SCLT1: variants seen among roughly 807,000 people sequenced by gnomAD.
The protein encoded by SCLT1 is sodium channel-associated protein 1.
Under a neutral mutation model 112.8 loss-of-function variants are expected in SCLT1, and 78 were observed. The ratio of observed to expected loss-of-function variants is 0.69; its 90% CI spans 0.58 to 0.83. The LOEUF is 0.83. Among genes scored for constraint, SCLT1 ranks in the 40% least tolerant of loss-of-function variants. The pLI is 0.00. For missense variants in SCLT1, 747 were observed against 770.4 expected (o/e 0.97, Z 0.36); for synonymous variants, 257 against 254.7 (o/e 1.01, Z -0.09).
chr4:129,071,858 C>A, intron 2 of SCLT1, among the ~76,000 whole-genome samples: 1 of 151,990 alleles, frequency 6.6e-6, no homozygotes. Context: ...TGCCAGTGTA[C>A]TTTGGTTTTT....
chr4:129,087,737 T>G (rs1579979541), intron 1 of SCLT1, among the ~76,000 whole-genome samples: 2 of 114,756 alleles, frequency 1.7e-5, no homozygotes, highest in Admixed American at 1.1e-4. Context: ...TGGGTGACAG[T>G]GAGACCCTTG....
At chr4:128,917,791 T>C (rs1735583068) in intron 18 of SCLT1, among the ~76,000 whole-genome samples, 1 of 152,172 alleles carries the variant, frequency 6.6e-6, no homozygotes, top group Non-Finnish European at 1.5e-5. Flanking sequence ...TCCTCTTTCC[T>C]GGATGGCATT....
At chr4:129,003,251 A>C (rs543068582) in intron 6 of SCLT1, among the ~76,000 whole-genome samples, 1 of 152,010 alleles carries the variant, frequency 6.6e-6, no homozygotes. Flanking sequence ...ACATGGACAC[A>C]GGGAGGGGAA....
At chr4:129,062,378 T>G (rs1214970520) in intron 2 of SCLT1, among the ~76,000 whole-genome samples, 1 of 152,116 alleles carries the variant, frequency 6.6e-6, no homozygotes, top group Non-Finnish European at 1.5e-5. Flanking sequence ...TTGGCTATCT[T>G]GCAGATGTCA....
rs1306243013 is a variant in SCLT1, at chr4:129,028,984, C to G, written c.290+10057G>C. On this transcript the variant is annotated intron_variant, in intron 5 of 20. Coordinates refer to ENST00000281142, the MANE Select transcript of SCLT1 (RefSeq NM_144643.4). The stretch of plus-strand genomic sequence containing the variant: ...AATCAAAACCACAGTGAGATACCAT[C>G]TCACACCAGTTAGAATGGCAATCAT... Among the ~76,000 whole-genome samples, 3 of 152,210 alleles carry G rather than the reference C, an allele frequency of 2.0e-5. No individual in the cohort carries two copies. In the East Asian group the frequency reaches 5.8e-4, roughly 29 times the overall value.
chr4:128,897,628 C>A (rs1186000922), intron 18 of SCLT1, among the ~76,000 whole-genome samples: 3 of 152,094 alleles, frequency 2.0e-5, no homozygotes, highest in African/African-American at 2.4e-5. Context: ...CGAGCAAAAT[C>A]ACCAGCTAAC....
intron 18 of SCLT1, among the ~76,000 whole-genome samples, chr4:128,928,081 A>T (rs1208581462): frequency 6.6e-6 from 1 of 152,122 alleles, no homozygotes; most frequent in Non-Finnish European, 1.5e-5. Flanking sequence ...ATCACTGTTC[A>T]AGAAATTTTG....
intron 19 of SCLT1, among the ~76,000 whole-genome samples, chr4:128,889,532 A>G (rs531740389): frequency 6.6e-6 from 1 of 152,342 alleles, no homozygotes; most frequent in African/African-American, 2.4e-5. Flanking sequence ...TTGGACTTCT[A>G]GCCTCTGGAA....
At chr4:129,053,995 T>G (rs1186519468) in intron 2 of SCLT1, among the ~76,000 whole-genome samples, 1 of 152,166 alleles carries the variant, frequency 6.6e-6, no homozygotes, top group Non-Finnish European at 1.5e-5. Context: ...ACGGGTTTTA[T>G]TTCTCCTTCG....
chr4:128,958,308 G>C (rs1031018236), intron 12 of SCLT1, among the ~76,000 whole-genome samples: 4 of 152,140 alleles, frequency 2.6e-5, no homozygotes, highest in Non-Finnish European at 4.4e-5. Flanking sequence ...ATAACCTTGA[G>C]GGGGAGAAGG....
chr4:129,019,384 C>A (rs558998275), intron 5 of SCLT1, among the ~76,000 whole-genome samples: 1 of 152,246 alleles, frequency 6.6e-6, no homozygotes, highest in Admixed American at 6.5e-5. Flanking sequence ...CTTTTACATA[C>A]CATTAAAAAG....
chr4:128,990,045 C>T (rs529533713), intron 9 of SCLT1, among the ~76,000 whole-genome samples: 2 of 151,756 alleles, frequency 1.3e-5, no homozygotes, highest in Non-Finnish European at 3.0e-5. Context: ...TAATACCAAT[C>T]CTACTCTAAC....
intron 5 of SCLT1, among the ~76,000 whole-genome samples, chr4:129,029,288 CAAT>C (rs1746462977): frequency 6.6e-6 from 1 of 151,926 alleles, no homozygotes; most frequent in Non-Finnish European, 1.5e-5. Context: ...AAATGTCCAA[CAAT>C]GATAGACTGG....
At chr4:128,978,442 C>T (rs1337116601) in intron 9 of SCLT1, among the ~76,000 whole-genome samples, 1 of 150,760 alleles carries the variant, frequency 6.6e-6, no homozygotes, top group Non-Finnish European at 1.5e-5. Context: ...AAAAACAAAA[C>T]AAAACAAAAC....
At chr4:129,003,433 TAA>T (rs533529824) in intron 6 of SCLT1, among the ~76,000 whole-genome samples, 5 of 98,588 alleles carry the variant, frequency 5.1e-5, no homozygotes, top group African/African-American at 7.5e-5. Flanking sequence ...AAAGTATAAT[TAA>T]AAAAAAAAAA....
chr4:128,933,407 T>C (rs951571034), intron 18 of SCLT1, among the ~76,000 whole-genome samples: 20 of 152,116 alleles, frequency 1.3e-4, no homozygotes, highest in African/African-American at 4.3e-4. Flanking sequence ...TTATTGCACA[T>C]ATTCTTTTTG....
At chr4:129,009,195 G>A (rs1345883679) in intron 5 of SCLT1, among the ~76,000 whole-genome samples, 1 of 152,080 alleles carries the variant, frequency 6.6e-6, no homozygotes, top group Non-Finnish European at 1.5e-5. Flanking sequence ...GGGATTGCTG[G>A]GTTAAATGGC....
At position 128,956,626 on chromosome 4, in the gene SCLT1, T is replaced by C. The variant is rs140660841; in HGVS notation, c.1146+400A>G. Among the ~76,000 whole-genome samples the C allele has an allele frequency of 5.8e-3, 877 of 152,268 alleles. 7 individuals are homozygous for C. The highest frequency in any genetic ancestry group is 0.034 in the Middle Eastern group (10 of 294). On this transcript the variant is annotated intron_variant, in intron 13 of 20. Coordinates refer to ENST00000281142, the MANE Select transcript of SCLT1 (RefSeq NM_144643.4). ...TACAGTGGCTTTATGGAAATAAAAA[T>C]TCTACCACTTAGTTGCTTGGGAGAA...
chr4:128,921,341 T>C (rs191137876), intron 18 of SCLT1, among the ~76,000 whole-genome samples: 1 of 140,542 alleles, frequency 7.1e-6, no homozygotes, highest in Non-Finnish European at 1.5e-5. Context: ...AGAGATCGAA[T>C]AGCCAAGGCA....
Sources: gnomAD v4.1 joint callset for allele counts (sites outside exome capture counted in the v4.1 genomes callset) on GRCh38, gnomAD v4.1.1 for gene constraint, MANE v1.5 for transcripts, NCBI Gene and HGNC (gene_info 2026-07-23, HGNC 2026-07-21) for gene names.